The following AGPAT4 variants were observed in gnomAD, a reference collection of about 807,000 sequenced individuals.
AGPAT4 encodes the protein 1-acylglycerol-3-phosphate O-acyltransferase 4.
AGPAT4 carries 15 observed loss-of-function variants against 48.0 expected under a neutral mutation model. The observed-to-expected ratio is 0.31, with a 90% CI of 0.21 to 0.48. The LOEUF (loss-of-function observed/expected upper bound fraction) is 0.48, where lower values mean the gene tolerates loss of function less well. Among genes scored for constraint, AGPAT4 ranks in the 20% least tolerant of loss-of-function variants. AGPAT4 has a pLI of 0.99. For missense variants in AGPAT4, 314 were observed against 482.5 expected (o/e 0.65, Z 3.27); for synonymous variants, 178 against 198.7 (o/e 0.90, Z 0.88).
rs1779742697 is a variant in AGPAT4 at position 161,155,419 on chromosome 6, C to CA, written c.349-1110dup. 6.6e-6 allele frequency among the ~76,000 whole-genome samples: 1 copy of CA among 152,196 alleles called. No homozygotes were observed. Among genetic ancestry groups the CA allele is most frequent in the Non-Finnish European group, 1.5e-5 (1 of 68,036 alleles). On this transcript the variant is annotated intron_variant, in intron 3 of 8. Coordinates refer to ENST00000320285, the MANE Select transcript of AGPAT4 (RefSeq NM_020133.3). The surrounding 1 kb of genome is among the most constrained non-coding windows in gnomAD (Gnocchi z 5.8). ...CCCACAGCGCAGAGAGCTCCGGCTT[C>CA]AACACAGCCCTCTCTCCTCTCCTCC...
intron 1 of AGPAT4, among the ~76,000 whole-genome samples, chr6:161,252,763 T>C (rs1782838925): frequency 6.6e-6 from 1 of 152,070 alleles, no homozygotes; most frequent in Non-Finnish European, 1.5e-5. Context: ...TGAGCCAAGA[T>C]CACGCCACTG....
rs1780056539 is a variant in AGPAT4, at chr6:161,165,126, G to T, written c.348+1122C>A. ...TCAGAGAGAATAAATCCACAAAGCT[G>T]TAACTCAGATCTCTGCCCAAGTTCT... On this transcript the variant is annotated intron_variant, in intron 3 of 8. Transcript: ENST00000320285. This position sits in a 1 kb window ranked among gnomAD's most constrained non-coding sequence, Gnocchi z 5.5. Among the ~76,000 whole-genome samples, 1 of 152,188 alleles carries T rather than the reference G, an allele frequency of 6.6e-6. No homozygotes were observed. Among genetic ancestry groups the T allele is most frequent in the South Asian group, 2.1e-4 (1 of 4,822 alleles).
intron 2 of AGPAT4, among the ~76,000 whole-genome samples, chr6:161,192,035 CTTT>C (rs200155345): frequency 2.4e-5 from 3 of 126,784 alleles, no homozygotes; most frequent in Non-Finnish European, 3.3e-5. Flanking sequence ...TTGTGCATTC[CTTT>C]TTTTTTTTTT....
rs934675257 is a variant in AGPAT4, at chr6:161,134,025, C to T, written c.*2515G>A. On this transcript the variant is annotated 3_prime_UTR_variant, in exon 9 of 9. Coordinates refer to ENST00000320285, the MANE Select transcript of AGPAT4 (RefSeq NM_020133.3). ...TGATGAGCTTCCGTCCAGGAGTACC[C>T]GTGGTTGTCTGTGTCATTAAGGGCG... is the stretch of plus-strand genomic sequence containing the variant. 9.9e-5 allele frequency: 15 copies of T among 152,204 alleles called. No individual in the cohort carries two copies. Among genetic ancestry groups the T allele is most frequent in the East Asian group, 5.8e-4 (3 of 5,204 alleles). The allele number at this position is 152,204 out of a possible 1,614,324, so 9.4% of individuals were successfully genotyped here.
rs1461645245 is a variant in AGPAT4 at position 161,244,350 on chromosome 6, G to T, written c.-89-12048C>A. On this transcript the variant is annotated intron_variant, in intron 1 of 8. Transcript: ENST00000320285. The surrounding 1 kb of genome is among the most constrained non-coding windows in gnomAD (Gnocchi z 4.7). Reference sequence around the variant, plus strand: ...ACCAGCAAATCATGGCACCAAAGAAGACTTTTTAATAAAATCTGATCTTTA... The same window carrying T: ...ACCAGCAAATCATGGCACCAAAGAATACTTTTTAATAAAATCTGATCTTTA... 6.6e-6 allele frequency among the ~76,000 whole-genome samples: 1 copy of T among 152,134 alleles called. No individual in the cohort carries two copies. The highest frequency in any genetic ancestry group is 1.5e-5 in the Non-Finnish European group (1 of 68,020).
rs555139535 is a variant in AGPAT4 at position 161,240,956 on chromosome 6, G to A, written c.-89-8654C>T. 2.4e-4 allele frequency among the ~76,000 whole-genome samples: 36 copies of A among 152,170 alleles called. No homozygotes were observed. The highest frequency in any genetic ancestry group is 3.9e-4 in the Admixed American group (6 of 15,276). Reference sequence around the variant, plus strand: ...TTTGGGACGAGCTCTAAGTAACATAGTCCTCAATTAAAAAATAATCATCAT... The same window carrying A: ...TTTGGGACGAGCTCTAAGTAACATAATCCTCAATTAAAAAATAATCATCAT... On this transcript the variant is annotated intron_variant, in intron 1 of 8. Coordinates refer to ENST00000320285, the MANE Select transcript of AGPAT4 (RefSeq NM_020133.3). This position sits in a 1 kb window ranked among gnomAD's most constrained non-coding sequence, Gnocchi z 5.5.
rs948997295 is a variant in AGPAT4, at chr6:161,243,573, C to CT, written c.-89-11272dup. On this transcript the variant is annotated intron_variant, in intron 1 of 8. Coordinates refer to ENST00000320285, the MANE Select transcript of AGPAT4 (RefSeq NM_020133.3). This position sits in a 1 kb window ranked among gnomAD's most constrained non-coding sequence, Gnocchi z 4.8. ...GCTCTCTGAGCCTCCGGGTCTGTAT[C>CT]TGCTAATGGAGGTGAAATTCCCTGC... 5.3e-5 allele frequency among the ~76,000 whole-genome samples: 8 copies of CT among 152,170 alleles called. No homozygotes were observed. The highest frequency in any genetic ancestry group is 1.9e-4 in the African/African-American group (8 of 41,434).
At chr6:161,170,370 C>G (rs1226409195) in intron 2 of AGPAT4, among the ~76,000 whole-genome samples, 2 of 152,120 alleles carry the variant, frequency 1.3e-5, no homozygotes, top group Non-Finnish European at 2.9e-5. Context: ...GCCCCAACCT[C>G]CCTCCCTTCT....
At position 161,236,299 on chromosome 6, in the gene AGPAT4, A is replaced by G. The variant is rs1391671609; in HGVS notation, c.-89-3997T>C. ...AAAAAAAAAGATGTTTCTTACTATC[A>G]AGGCCAAAAATGATGAACTCGTGTG... On this transcript the variant is annotated intron_variant, in intron 1 of 8. Coordinates refer to ENST00000320285, the MANE Select transcript of AGPAT4 (RefSeq NM_020133.3). This position sits in a 1 kb window ranked among gnomAD's most constrained non-coding sequence, Gnocchi z 5.0. 1.3e-5 allele frequency among the ~76,000 whole-genome samples: 2 copies of G among 152,170 alleles called. No individual in the cohort carries two copies. The highest frequency in any genetic ancestry group is 1.3e-4 in the Admixed American group (2 of 15,282).
chr6:161,157,089 T>C (rs369966413), intron 3 of AGPAT4, among the ~76,000 whole-genome samples: 7 of 152,390 alleles, frequency 4.6e-5, no homozygotes, highest in Non-Finnish European at 2.9e-5. Context: ...TTTCTGTGTG[T>C]CTTTAATTCC....
chr6:161,166,010 G>T lies in AGPAT4; in HGVS notation c.348+238C>A. 1.6e-6 allele frequency: 1 copy of T among 623,034 alleles called. No individual in the cohort carries two copies. 38.6% of individuals were successfully genotyped at this position (623,034 alleles called of 1,614,324 possible). A position where few individuals can be genotyped will look rare whatever the true frequency, so the allele number is the denominator to read the frequency against. On this transcript the variant is annotated intron_variant, in intron 3 of 8. Transcript: ENST00000320285. This position sits in a 1 kb window ranked among gnomAD's most constrained non-coding sequence, Gnocchi z 6.7. Reference sequence around the variant, plus strand: ...ATGTTGCTGTAAGGATTAAATAAATGAATCATATGTAAAATGGCCGGCAGG... The same window carrying T: ...ATGTTGCTGTAAGGATTAAATAAATTAATCATATGTAAAATGGCCGGCAGG...
chr6:161,261,515 C>T lies in AGPAT4; in HGVS notation c.-90+12423G>A, dbSNP rs935010589. On this transcript the variant is annotated intron_variant, in intron 1 of 8. Coordinates refer to ENST00000320285, the MANE Select transcript of AGPAT4 (RefSeq NM_020133.3). The surrounding 1 kb of genome is among the most constrained non-coding windows in gnomAD (Gnocchi z 5.3). ...CATTCACCACACTGCTCCAGGGAAA[C>T]GCCCGGCTCACGGCTGACTCATGAT... 2.6e-5 allele frequency among the ~76,000 whole-genome samples: 4 copies of T among 152,182 alleles called. No homozygotes were observed. Among genetic ancestry groups the T allele is most frequent in the African/African-American group, 7.2e-5 (3 of 41,438 alleles).
At chr6:161,210,174 T>G (rs539167956) in intron 2 of AGPAT4, among the ~76,000 whole-genome samples, 6 of 152,304 alleles carry the variant, frequency 3.9e-5, no homozygotes, top group African/African-American at 1.4e-4. Flanking sequence ...AAACCTGGTC[T>G]CCTTATACAA....
chr6:161,176,566 C>T (rs1413009220), intron 2 of AGPAT4, among the ~76,000 whole-genome samples: 1 of 152,212 alleles, frequency 6.6e-6, no homozygotes, highest in African/African-American at 2.4e-5. Flanking sequence ...CTGAATACAG[C>T]ACACTGATGG....
rs1782598521 is a variant in AGPAT4 at position 161,244,574 on chromosome 6, T to C, written c.-89-12272A>G. Among the ~76,000 whole-genome samples the C allele has an allele frequency of 6.6e-6, 1 of 152,192 alleles. No homozygotes were observed. The highest frequency in any genetic ancestry group is 2.1e-4 in the South Asian group (1 of 4,836). On this transcript the variant is annotated intron_variant, in intron 1 of 8. Coordinates refer to ENST00000320285, the MANE Select transcript of AGPAT4 (RefSeq NM_020133.3). This position sits in a 1 kb window ranked among gnomAD's most constrained non-coding sequence, Gnocchi z 4.7. ...TACAACCTTTAAGCTGGCTCCATTA[T>C]GGCTAAACAAACTCACATTTTGATG...
rs1474420050 is a variant in AGPAT4, at chr6:161,272,306, G to C, written c.-90+1632C>G. Among the ~76,000 whole-genome samples, 7 of 152,108 alleles carry C rather than the reference G, an allele frequency of 4.6e-5. No homozygotes were observed. Among genetic ancestry groups the C allele is most frequent in the Non-Finnish European group, 1.0e-4 (7 of 68,020 alleles). ...ATGATTTTGGCTTTAGCAGCCGGAA[G>C]GTATGAGGGCTAAGTGACCTTCACA... is the stretch of plus-strand genomic sequence containing the variant. On this transcript the variant is annotated intron_variant, in intron 1 of 8. Transcript: ENST00000320285. The surrounding 1 kb of genome is among the most constrained non-coding windows in gnomAD (Gnocchi z 4.2).
intron 3 of AGPAT4, chr6:161,160,701 A>G: frequency 3.1e-6 from 1 of 325,324 alleles, no homozygotes; most frequent in Non-Finnish European, 6.1e-6. Context: ...CACGGCTGTC[A>G]GGACACAAAG....
chr6:161,272,784 G>A lies in AGPAT4; in HGVS notation c.-90+1154C>T, dbSNP rs982066593. On this transcript the variant is annotated intron_variant, in intron 1 of 8. Transcript: ENST00000320285. This position sits in a 1 kb window ranked among gnomAD's most constrained non-coding sequence, Gnocchi z 4.2. The stretch of plus-strand genomic sequence containing the variant: ...GATACTTTTTTTCCAACTGAGAGTC[G>A]TTGACTAATCACAGATGAGTTAATC... Among the ~76,000 whole-genome samples the A allele has an allele frequency of 5.9e-5, 9 of 151,410 alleles. No homozygotes were observed. Among genetic ancestry groups the A allele is most frequent in the Non-Finnish European group, 1.2e-4 (8 of 67,952 alleles).
At chr6:161,248,050 A>T (rs1433150304) in intron 1 of AGPAT4, among the ~76,000 whole-genome samples, 1 of 151,202 alleles carries the variant, frequency 6.6e-6, no homozygotes, top group Non-Finnish European at 1.5e-5. Flanking sequence ...AATAAAGGGC[A>T]TCCAAATAGG....
Sources: allele counts gnomAD v4.1 joint callset (sites outside exome capture counted in the v4.1 genomes callset), GRCh38; gene constraint gnomAD v4.1.1; non-coding constraint Gnocchi (gnomAD v3.1); transcripts MANE v1.5; gene names NCBI Gene and HGNC (gene_info 2026-07-23, HGNC 2026-07-21).